SLC4A4: variants seen among roughly 807,000 people sequenced by gnomAD.
SLC4A4 encodes solute carrier family 4 member 4.
In SLC4A4, 27 loss-of-function variants were observed where a neutral mutation model predicts 111.5. That is an observed-to-expected ratio of 0.24 (90% CI 0.18 to 0.33). The LOEUF (loss-of-function observed/expected upper bound fraction) is 0.33. Ranked by LOEUF, SLC4A4 falls within the 10% of genes least tolerant of loss-of-function variation. The probability of loss-of-function intolerance (pLI) is 1.00; values close to 1 mark genes in which losing one functional copy is unlikely to be tolerated. For missense variants in SLC4A4, 909 were observed against 1,315.5 expected (o/e 0.69, Z 4.78); for synonymous variants, 443 against 463.4 (o/e 0.96, Z 0.57).
chr4:71,268,280 T>C (rs1193188097), intron 3 of SLC4A4, among the ~76,000 whole-genome samples: 1 of 152,162 alleles, frequency 6.6e-6, no homozygotes, highest in Non-Finnish European at 1.5e-5. Flanking sequence ...CAATTCATTC[T>C]GGGTGAATAT....
chr4:71,261,101 C>A, intron 3 of SLC4A4, among the ~76,000 whole-genome samples: 1 of 152,194 alleles, frequency 6.6e-6, no homozygotes, highest in Non-Finnish European at 1.5e-5. Context: ...TGGCTCTTGG[C>A]TCCTAACGGC....
At chr4:71,491,990 C>G (rs1325320609) in intron 15 of SLC4A4, among the ~76,000 whole-genome samples, 1 of 150,812 alleles carries the variant, frequency 6.6e-6, no homozygotes, top group Admixed American at 6.6e-5. Context: ...CCCAGAGATG[C>G]TGTTAATCAT....
intron 2 of SLC4A4, among the ~76,000 whole-genome samples, chr4:71,130,558 CACTT>C (rs1743675141): frequency 6.6e-6 from 1 of 152,120 alleles, no homozygotes; most frequent in African/African-American, 2.4e-5. Flanking sequence ...AAATGAATGT[CACTT>C]ACTATTTTCA....
chr4:71,509,396 T>C (rs1389677484), intron 16 of SLC4A4, among the ~76,000 whole-genome samples: 4 of 144,496 alleles, frequency 2.8e-5, no homozygotes, highest in Admixed American at 1.4e-4. Context: ...GGAGTATCTT[T>C]TGTAGGGAGG....
chr4:71,327,413 C>A (rs1439573122), intron 3 of SLC4A4, among the ~76,000 whole-genome samples: 1 of 151,950 alleles, frequency 6.6e-6, no homozygotes, highest in Non-Finnish European at 1.5e-5. Flanking sequence ...TTAGAAACAA[C>A]ACAAATGGGT....
intron 14 of SLC4A4, among the ~76,000 whole-genome samples, chr4:71,475,172 A>C (rs1163025066): frequency 2.0e-5 from 3 of 151,602 alleles, no homozygotes; most frequent in Non-Finnish European, 2.9e-5. Flanking sequence ...AGGAAAAAAA[A>C]CACTTTGAGA....
At chr4:71,212,113 G>A (rs2579309) in intron 1 of SLC4A4, among the ~76,000 whole-genome samples, 24,347 of 152,106 alleles carry the variant, frequency 0.16, 3,193 homozygotes, top group African/African-American at 0.33. Context: ...AAGTGTGTCT[G>A]CCCTCAAAGA....
chr4:71,305,458 A>G lies in SLC4A4; in HGVS notation c.254-33912A>G, dbSNP rs148024148. Among the ~76,000 whole-genome samples the G allele has an allele frequency of 3.9e-5, 6 of 152,370 alleles. No homozygotes were observed. In the East Asian group the frequency reaches 1.2e-3, roughly 29 times the overall value. ...TGTTTATAAGGGTTTAGCATGTTAA[A>G]TGAAAGATGAAGCATAAAGATGAAA... On this transcript the variant is annotated intron_variant, in intron 3 of 25. Coordinates refer to ENST00000264485, the MANE Select transcript of SLC4A4 (RefSeq NM_001098484.3).
At chr4:71,074,542 A>G (rs1578453333) in intron 1 of SLC4A4, among the ~76,000 whole-genome samples, 1 of 152,080 alleles carries the variant, frequency 6.6e-6, no homozygotes, top group East Asian at 1.9e-4. Context: ...ACTTTAAAGG[A>G]GTTATGTCTA....
chr4:71,260,364 T>C (rs191094264), intron 3 of SLC4A4, among the ~76,000 whole-genome samples: 26 of 152,332 alleles, frequency 1.7e-4, no homozygotes, highest in South Asian at 6.2e-4. Flanking sequence ...GCAAGATCCT[T>C]AATTTTGATA....
At chr4:71,170,049 C>A (rs1291549762) in intron 2 of SLC4A4, among the ~76,000 whole-genome samples, 1 of 152,208 alleles carries the variant, frequency 6.6e-6, no homozygotes, top group Non-Finnish European at 1.5e-5. Context: ...CTGCCTAGAG[C>A]ACATTCCCCA....
chr4:71,245,224 G>A (rs978187065), intron 2 of SLC4A4, among the ~76,000 whole-genome samples: 2 of 152,126 alleles, frequency 1.3e-5, no homozygotes, highest in South Asian at 2.1e-4. Context: ...ATAACTCAAG[G>A]TCTTTTATGT....
chr4:71,077,036 A>AAG, intron 1 of SLC4A4, among the ~76,000 whole-genome samples: 1 of 149,176 alleles, frequency 6.7e-6, no homozygotes, highest in Non-Finnish European at 1.5e-5. Context: ...ATATACATAT[A>AAG]TGTAAAAATA....
intron 1 of SLC4A4, among the ~76,000 whole-genome samples, chr4:71,218,849 T>G (rs2149019476): frequency 6.6e-6 from 1 of 152,256 alleles, no homozygotes; most frequent in South Asian, 2.1e-4. Flanking sequence ...ACTTTGTGAG[T>G]TGGCCTTGGA....
intron 2 of SLC4A4, among the ~76,000 whole-genome samples, chr4:71,150,686 A>G (rs1484738562): frequency 6.6e-6 from 1 of 152,124 alleles, no homozygotes; most frequent in African/African-American, 2.4e-5. Flanking sequence ...GTGTGCAGAG[A>G]TGGAAATGGG....
intron 3 of SLC4A4, among the ~76,000 whole-genome samples, chr4:71,261,347 A>G (rs1721840767): frequency 6.6e-6 from 1 of 152,238 alleles, no homozygotes; most frequent in Non-Finnish European, 1.5e-5. Flanking sequence ...CTGAAATCAA[A>G]TAGACTGTTC....
intron 18 of SLC4A4, among the ~76,000 whole-genome samples, chr4:71,538,631 A>C (rs1034627242): frequency 2.0e-5 from 3 of 152,122 alleles, no homozygotes; most frequent in Non-Finnish European, 4.4e-5. Flanking sequence ...AGAAAGCTGA[A>C]ACTGAGAGAG....
At chr4:71,301,011 C>A in intron 3 of SLC4A4, 1 of 445,644 alleles carries the variant, frequency 2.2e-6, no homozygotes. Context: ...CCCCCTACAG[C>A]CATGCTTGCC....
chr4:71,489,591 C>T (rs1251348149), intron 15 of SLC4A4, among the ~76,000 whole-genome samples: 1 of 151,740 alleles, frequency 6.6e-6, no homozygotes, highest in Non-Finnish European at 1.5e-5. Context: ...TTGATTAGGT[C>T]ATGCAGCCTC....
Sources: allele counts gnomAD v4.1 joint callset (sites outside exome capture counted in the v4.1 genomes callset), GRCh38; gene constraint gnomAD v4.1.1; transcripts MANE v1.5; gene names NCBI Gene and HGNC (gene_info 2026-07-23, HGNC 2026-07-21).